The following TRAK1 variants were observed in gnomAD, a reference collection of about 807,000 sequenced individuals.
TRAK1 encodes the protein trafficking kinesin protein 1, also known as trafficking kinesin-binding protein 1.
TRAK1 carries 33 observed loss-of-function variants against 92.1 expected under a neutral mutation model. The ratio of observed to expected loss-of-function variants is 0.36; its 90% CI spans 0.27 to 0.48. The LOEUF is 0.48. Among genes scored for constraint, TRAK1 ranks in the 20% least tolerant of loss-of-function variants. The pLI, the probability that TRAK1 is intolerant of heterozygous loss-of-function variation, is 0.99. For missense variants in TRAK1, 1,123 were observed against 1,257.9 expected (o/e 0.89, Z 1.62); for synonymous variants, 521 against 517.3 (o/e 1.01, Z -0.10).
chr3:42,089,359 C>G (rs1704859853), upstream of TRAK1, among the ~76,000 whole-genome samples: 1 of 152,146 alleles, frequency 6.6e-6, no homozygotes, highest in African/African-American at 2.4e-5. Flanking sequence ...ACCCTTGCCT[C>G]CCTAAAATTC....
At chr3:42,189,230 C>A in intron 6 of TRAK1, 106 bp downstream of exon 6, 1 of 792,246 alleles carries the variant, frequency 1.3e-6, no homozygotes, top group South Asian at 1.6e-5. Flanking sequence ...AGCTGGCAGT[C>A]TGTGAAGAGC....
intron 1 of TRAK1, among the ~76,000 whole-genome samples, chr3:42,066,004 C>T (rs2148931303): frequency 6.6e-6 from 1 of 152,332 alleles, no homozygotes; most frequent in East Asian, 1.9e-4. Context: ...GCCTTTTCTA[C>T]CCTTCCAACA....
intron 1 of TRAK1, among the ~76,000 whole-genome samples, chr3:42,111,853 T>C (rs1168416636): frequency 1.3e-5 from 2 of 152,066 alleles, no homozygotes; most frequent in African/African-American, 4.8e-5. Context: ...ATATAGTATT[T>C]TACAGGGATA....
intron 1 of TRAK1, among the ~76,000 whole-genome samples, chr3:42,095,362 C>T (rs1412199986): frequency 6.6e-6 from 1 of 152,086 alleles, no homozygotes; most frequent in Non-Finnish European, 1.5e-5. Flanking sequence ...GTTTTCTGAC[C>T]CTCTTTAAGT....
intron 2 of TRAK1, chr3:42,145,969 G>T: frequency 3.4e-6 from 1 of 294,976 alleles, no homozygotes. Flanking sequence ...TGTGTTTGGG[G>T]AAGATAATAA....
chr3:42,149,321 C>T, intron 2 of TRAK1: 1 of 1,424,612 alleles, frequency 7.0e-7, no homozygotes, highest in Non-Finnish European at 9.1e-7. Flanking sequence ...CTTTCTGCTC[C>T]TCCTACTCCC....
chr3:42,095,123 A>G (rs1273774965), intron 1 of TRAK1, among the ~76,000 whole-genome samples: 1 of 152,224 alleles, frequency 6.6e-6, no homozygotes, highest in Non-Finnish European at 1.5e-5. Context: ...CCAGTCAAGG[A>G]GACACATATT....
At chr3:42,183,784 G>C (rs1272024759) in intron 3 of TRAK1, among the ~76,000 whole-genome samples, 1 of 152,120 alleles carries the variant, frequency 6.6e-6, no homozygotes, top group African/African-American at 2.4e-5. Context: ...TAATTTTTCT[G>C]ACTTCTCCTC....
At chr3:42,076,329 G>T (rs1003066051) in intron 1 of TRAK1, among the ~76,000 whole-genome samples, 2 of 136,694 alleles carry the variant, frequency 1.5e-5, no homozygotes, top group African/African-American at 5.6e-5. Flanking sequence ...GTGTTCATGT[G>T]ATTCTCCTGC....
chr3:42,134,028 G>A (rs1490020401), intron 2 of TRAK1, among the ~76,000 whole-genome samples: 1 of 152,134 alleles, frequency 6.6e-6, no homozygotes, highest in African/African-American at 2.4e-5. Context: ...CAGACAGGTT[G>A]GGAACACACA....
chr3:42,024,729 C>T (rs1701853230), intron 1 of TRAK1, among the ~76,000 whole-genome samples: 1 of 152,198 alleles, frequency 6.6e-6, no homozygotes, highest in African/African-American at 2.4e-5. Flanking sequence ...TTCAGTACTT[C>T]ATGCTTGCAT....
intron 2 of TRAK1, among the ~76,000 whole-genome samples, chr3:42,148,386 G>A (rs1007804344): frequency 1.3e-5 from 2 of 152,130 alleles, no homozygotes; most frequent in African/African-American, 2.4e-5. Context: ...TCAACCTATA[G>A]GATAGCCTAG....
At chr3:42,084,253 G>A (rs193234154), upstream of TRAK1, among the ~76,000 whole-genome samples, 59 of 151,564 alleles carry the variant, frequency 3.9e-4, 1 homozygote, top group East Asian at 6.8e-3. Flanking sequence ...TTATAGACTC[G>A]GTATCTGCAT....
chr3:42,016,429 T>G (rs976904369), intron 1 of TRAK1, among the ~76,000 whole-genome samples: 3 of 152,228 alleles, frequency 2.0e-5, no homozygotes, highest in Non-Finnish European at 4.4e-5. Context: ...GGTCTCAAAC[T>G]CTTGACCTCG....
At chr3:42,074,270 G>A (rs1393580960) in intron 1 of TRAK1, among the ~76,000 whole-genome samples, 3 of 152,214 alleles carry the variant, frequency 2.0e-5, no homozygotes, top group Non-Finnish European at 4.4e-5. Context: ...GGTCATGCAT[G>A]TTAATTACTG....
At chr3:42,088,821 G>A (rs779915247), upstream of TRAK1, among the ~76,000 whole-genome samples, 8 of 152,182 alleles carry the variant, frequency 5.3e-5, no homozygotes, top group African/African-American at 1.4e-4. Flanking sequence ...CAGTGGCTGC[G>A]TTTCTTCTTC....
At chr3:42,055,452 A>C (rs1167583989) in intron 1 of TRAK1, among the ~76,000 whole-genome samples, 1 of 152,138 alleles carries the variant, frequency 6.6e-6, no homozygotes, top group Admixed American at 6.6e-5. Context: ...GAGTTGTGCA[A>C]CATCACCACA....
intron 1 of TRAK1, among the ~76,000 whole-genome samples, chr3:42,075,561 C>T (rs1704119533): frequency 6.6e-6 from 1 of 152,126 alleles, no homozygotes; most frequent in Admixed American, 6.5e-5. Flanking sequence ...GATAAATCTC[C>T]AGACTGCTTT....
At chr3:42,137,035 CA>C (rs756169756) in intron 2 of TRAK1, among the ~76,000 whole-genome samples, 4 of 152,012 alleles carry the variant, frequency 2.6e-5, no homozygotes, top group Non-Finnish European at 4.4e-5. Context: ...AAAATAAAAA[CA>C]AAAAGATGAC....
Sources: allele counts gnomAD v4.1 joint callset (sites outside exome capture counted in the v4.1 genomes callset), GRCh38; gene constraint gnomAD v4.1.1; transcripts MANE v1.5; gene names NCBI Gene and HGNC (gene_info 2026-07-23, HGNC 2026-07-21).